The following PRPF8 variants were observed in gnomAD, a reference collection of about 807,000 sequenced individuals.
PRPF8 encodes pre-mRNA processing factor 8.
A neutral mutation model predicts 285.9 loss-of-function variants in PRPF8; 64 were observed. The ratio of observed to expected loss-of-function variants is 0.22; its 90% CI spans 0.18 to 0.28. The LOEUF (loss-of-function observed/expected upper bound fraction) is 0.28, where lower values mean the gene tolerates loss of function less well. Among genes scored for constraint, PRPF8 ranks in the 10% least tolerant of loss-of-function variants. The probability of loss-of-function intolerance (pLI) is 1.00; values close to 1 mark genes in which losing one functional copy is unlikely to be tolerated. For synonymous variants in PRPF8, 1,325 were observed against 1,118.2 expected, an observed-to-expected ratio of 1.18 and a Z score of -3.69; for missense variants, 1,426 against 3,026.7, an observed-to-expected ratio of 0.47 and a Z score of 12.41.
rs985505937 is a variant in PRPF8, at chr17:1,661,489, G to A, written c.4203-83C>T. On this transcript the variant is annotated intron_variant, in intron 26 of 42. Transcript: ENST00000304992. This position sits in a 1 kb window ranked among gnomAD's most constrained non-coding sequence, Gnocchi z 7.3. ...TCCTTCCTGGCCAAAAATAATTAGGGTCAGTAGAACCAGCCTTCTCACCTC... is the reference window on the plus strand; with the variant it reads ...TCCTTCCTGGCCAAAAATAATTAGGATCAGTAGAACCAGCCTTCTCACCTC... The A allele has an allele frequency of 1.9e-6, 3 of 1,609,852 alleles. No homozygotes were observed. The highest frequency in any genetic ancestry group is 1.3e-5 in the African/African-American group (1 of 74,830).
At position 1,651,244 on chromosome 17, in the gene PRPF8, G is replaced by A. The variant is rs200164722; in HGVS notation, c.6717C>T (p.Arg2239=). ...GGTTGTTGCCCTTGTCTGTGTTCTG[G>A]CGGCCCCATTCGTAGCCACTGGGGG... ...KLTPSGYEWG[R]QNTDKGNNPK... is the part of the protein sequence containing the mutation. Residue 2239 remains arginine, a synonymous_variant, in exon 42 of 43, where the codon CGC becomes CGT. Coordinates refer to ENST00000304992, the MANE Select transcript of PRPF8 (RefSeq NM_006445.4). The surrounding 1 kb of genome is among the most constrained non-coding windows in gnomAD (Gnocchi z 5.1). 3.8e-5 allele frequency: 62 copies of A among 1,613,946 alleles called. No homozygotes were observed. The highest frequency in any genetic ancestry group is 5.0e-5 in the Admixed American group (3 of 60,010).
At position 1,652,997 on chromosome 17, in the gene PRPF8, A is replaced by C. The variant is rs1430129541; in HGVS notation, c.6369+545T>G. On this transcript the variant is annotated intron_variant, in intron 39 of 42. Transcript: ENST00000304992. Reference sequence around the variant, plus strand: ...TGCCCAGGCTGGAGTGCAGTGATGCAATCTTGGCTCACTGCAAGCTCCACC... The same window carrying C: ...TGCCCAGGCTGGAGTGCAGTGATGCCATCTTGGCTCACTGCAAGCTCCACC... 2.5e-5 allele frequency: 5 copies of C among 200,684 alleles called. No individual in the cohort carries two copies. In the South Asian group the frequency reaches 3.4e-4, roughly 14 times the overall value. The allele number at this position is 200,684 out of a possible 1,614,324, so 12.4% of individuals were successfully genotyped here. A position where few individuals can be genotyped will look rare whatever the true frequency, so the allele number is the denominator to read the frequency against.
rs760119460 is a variant in PRPF8 at position 1,655,529 on chromosome 17, G to T, written c.5808C>A (p.Leu1936=). The change falls in exon 37 of 43, where the codon CTC becomes CTA. Residue 1936 remains leucine, a synonymous_variant. Transcript: ENST00000304992. ...CATGTAGGGCACGCAGAATCAGGAT[G>T]AGACGGGAGAAGGCCTGGGAAAAGA... ...TISSYTAFSR[L]ILILRALHVN... 1.9e-6 allele frequency: 3 copies of T among 1,613,400 alleles called. No homozygotes were observed. The Admixed American group carries it at 5.0e-5, about 27-fold the overall frequency.
rs567754383 is a variant in PRPF8, at chr17:1,651,616, C to G, written c.6510+32G>C. The G allele has an allele frequency of 2.5e-5, 40 of 1,614,122 alleles. No homozygotes were observed. In the South Asian group the frequency reaches 4.3e-4, roughly 17 times the overall value. ...ACAGACAGGAATCGCACCAGCTTTT[C>G]CACACTCCCAGGCTCCATCACTCCC... is the stretch of plus-strand genomic sequence containing the variant. On this transcript the variant is annotated intron_variant, in intron 40 of 42. Transcript: ENST00000304992. This position sits in a 1 kb window ranked among gnomAD's most constrained non-coding sequence, Gnocchi z 5.1.
At position 1,679,479 on chromosome 17, in the gene PRPF8, T is replaced by C. The variant is rs1567690749; in HGVS notation, c.1290-69A>G. On this transcript the variant is annotated intron_variant, in intron 9 of 42. Coordinates refer to ENST00000304992, the MANE Select transcript of PRPF8 (RefSeq NM_006445.4). This position sits in a 1 kb window ranked among gnomAD's most constrained non-coding sequence, Gnocchi z 4.7. ...GACACTCTGCTAAAGGCTGCAAGCC[T>C]TGGGTTGTCTACCATTTTTATGGGA... is the stretch of plus-strand genomic sequence containing the variant. 1.2e-6 allele frequency: 2 copies of C among 1,607,650 alleles called. No homozygotes were observed. The highest frequency in any genetic ancestry group is 1.7e-6 in the Non-Finnish European group (2 of 1,178,720).
In PRPF8 at chr17:1,675,787, T is replaced by C; in HGVS notation, c.2705A>G (p.Tyr902Cys). ...KEVGIEFMDL[Y>C]SHLVPVYDVE... is the part of the protein sequence containing the mutation. The stretch of plus-strand genomic sequence containing the variant: ...ATCATATACTGGAACGAGGTGGCTA[T>C]ACAGATCCATGAACTCAATGCCCAC... The change falls in exon 19 of 43, where the codon TAT (tyrosine) becomes TGT (cysteine). Residue 902 changes from tyrosine to cysteine, a missense_variant. Physicochemically the swap from Tyr to Cys is radical, Grantham distance 194 (BLOSUM62 -2). Transcript: ENST00000304992. The surrounding 1 kb of genome is among the most constrained non-coding windows in gnomAD (Gnocchi z 6.0). 6.2e-7 allele frequency: 1 copy of C among 1,614,172 alleles called. No homozygotes were observed. The highest frequency in any genetic ancestry group is 8.5e-7 in the Non-Finnish European group (1 of 1,180,042).
At position 1,679,925 on chromosome 17, in the gene PRPF8, A is replaced by G; in HGVS notation, c.1099-126T>C. 1 of 1,151,566 alleles carries G rather than the reference A, an allele frequency of 8.7e-7. No homozygotes were observed. Among genetic ancestry groups the G allele is most frequent in the Non-Finnish European group, 1.3e-6 (1 of 765,846 alleles). 71.3% of individuals were successfully genotyped at this position (1,151,566 alleles called of 1,614,324 possible). A position where few individuals can be genotyped will look rare whatever the true frequency, so the allele number is the denominator to read the frequency against. On this transcript the variant is annotated intron_variant, in intron 8 of 42. Coordinates refer to ENST00000304992, the MANE Select transcript of PRPF8 (RefSeq NM_006445.4). This position sits in a 1 kb window ranked among gnomAD's most constrained non-coding sequence, Gnocchi z 4.7. ...TATGGAAACTGGGCTGTCTGACAAA[A>G]GCAGCCCTGAAGTGCCAGCACAAAG...
At chr17:1,660,632 G>C in intron 29 of PRPF8, 54 bp from the exon 30 acceptor site, 2 of 1,614,154 alleles carry the variant, frequency 1.2e-6, no homozygotes, top group Non-Finnish European at 1.7e-6. Flanking sequence ...GGGCGCTCAC[G>C]ACATAACCAA....
Position 1,668,354 on chromosome 17 carries a change from CTTT to C in PRPF8, c.3774+4724_3774+4726del, listed in dbSNP as rs970795981. ...CAGTATCTCAATGGGGTCTAGCATT[CTTT>C]TTTTTTTTTTTTTTTTTTTTTTGAG... is the stretch of plus-strand genomic sequence containing the variant. On this transcript the variant is annotated intron_variant, in intron 24 of 42. Transcript: ENST00000304992. 1.0e-4 allele frequency among the ~76,000 whole-genome samples: 11 copies of C among 105,586 alleles called. No homozygotes were observed. The South Asian group carries it at 1.9e-3, about 19-fold the overall frequency. The allele number at this position is 105,586 out of a possible 152,430, so 69.3% of individuals were successfully genotyped here.
At chr17:1,663,344 T>C (rs149555000) in intron 24 of PRPF8, among the ~76,000 whole-genome samples, 129 of 152,166 alleles carry the variant, frequency 8.5e-4, no homozygotes, top group African/African-American at 2.4e-3. Context: ...CTGAGCTACA[T>C]TGCCACATTG....
chr17:1,676,164 G>C lies in PRPF8; in HGVS notation c.2552+43C>G. The C allele has an allele frequency of 6.8e-6, 11 of 1,612,418 alleles. No homozygotes were observed. The highest frequency in any genetic ancestry group is 9.3e-6 in the Non-Finnish European group (11 of 1,179,912). On this transcript the variant is annotated intron_variant, in intron 17 of 42. Coordinates refer to ENST00000304992, the MANE Select transcript of PRPF8 (RefSeq NM_006445.4). The surrounding 1 kb of genome is among the most constrained non-coding windows in gnomAD (Gnocchi z 6.3). ...GACTCTGAGGATGACGCCATTCCCT[G>C]CTGTCACCTTCCCAGCAGGAACCTA...
Position 1,675,922 on chromosome 17 carries a change from A to G in PRPF8, c.2679+6T>C. 1 of 1,614,002 alleles carries G rather than the reference A, an allele frequency of 6.2e-7. No individual in the cohort carries two copies. The highest frequency in any genetic ancestry group is 8.5e-7 in the Non-Finnish European group (1 of 1,179,988). On this transcript the variant is annotated splice_donor_region_variant and intron_variant, in intron 18 of 42. Coordinates refer to ENST00000304992, the MANE Select transcript of PRPF8 (RefSeq NM_006445.4). This position sits in a 1 kb window ranked among gnomAD's most constrained non-coding sequence, Gnocchi z 6.0. ...CCAAAAAGAAAACTTGGGAGGCCTC[A>G]CTCACCTCTTTGAAGGCTCTCTGTG... is the stretch of plus-strand genomic sequence containing the variant.
chr17:1,656,495 A>G lies in PRPF8; in HGVS notation c.5690T>C (p.Leu1897Pro), dbSNP rs763583937. 6.2e-7 allele frequency: 1 copy of G among 1,614,192 alleles called. No individual in the cohort carries two copies. Among genetic ancestry groups the G allele is most frequent in the Non-Finnish European group, 8.5e-7 (1 of 1,180,026 alleles). The change falls in exon 36 of 43, where the codon CTC (leucine) becomes CCC (proline). Residue 1897 changes from leucine (L) to proline (P), a missense_variant. By Grantham distance (98) the Leu-to-Pro change is moderately conservative. Around this residue, in one of 34 missense-constraint regions of PRPF8, gnomAD observed 29 missense variants for 86.4 expected, o/e 0.34. Transcript: ENST00000304992. ...SELQLPFQAC[L>P]KVEKFGDLIL... ...GAGATCCCCGAATTTTTCCACCTTG[A>G]GACACGCCTGGAAAGGGAGTTGGAG...
chr17:1,684,808 T>C lies in PRPF8; in HGVS notation c.-40A>G. 3.3e-6 allele frequency: 2 copies of C among 598,522 alleles called. No individual in the cohort carries two copies. The highest frequency in any genetic ancestry group is 6.0e-6 in the Non-Finnish European group (2 of 334,730). 37.1% of individuals were successfully genotyped at this position (598,522 alleles called of 1,614,324 possible). On this transcript the variant is annotated 5_prime_UTR_variant, in exon 1 of 43. Transcript: ENST00000304992. ...ACAGGCCCTCACACAAGAGGCCGCT[T>C]TCCCCGCAGCGCAATGGCGGCCAGA...
intron 24 of PRPF8, among the ~76,000 whole-genome samples, chr17:1,666,546 C>CAA (rs1555552060): frequency 8.9e-6 from 1 of 112,854 alleles, no homozygotes; most frequent in South Asian, 2.9e-4. Context: ...GACCCCATCT[C>CAA]AAAAAAAAAA....
At position 1,658,689 on chromosome 17, in the gene PRPF8, G is replaced by A; in HGVS notation, c.5213C>T (p.Pro1738Leu). 6.2e-7 allele frequency: 1 copy of A among 1,614,264 alleles called. No homozygotes were observed. The highest frequency in any genetic ancestry group is 8.5e-7 in the Non-Finnish European group (1 of 1,180,046). ...CCGTTCACGTAACACATACAGGGCA[G>A]GGTTTGCCTTCATGATCTTGGCCAT... is the stretch of plus-strand genomic sequence containing the variant. ...QAMAKIMKAN[P>L]ALYVLRERIR... Residue 1738 changes from proline (P) to leucine (L), a missense_variant, in exon 33 of 43, where the codon CCT becomes CTT. Physicochemically the swap from Pro to Leu is moderately conservative, Grantham distance 98. This residue lies in a region of PRPF8 where 74 missense variants were observed against 161.8 expected (regional missense o/e 0.46). Transcript: ENST00000304992. The surrounding 1 kb of genome is among the most constrained non-coding windows in gnomAD (Gnocchi z 4.1).
intron 24 of PRPF8, among the ~76,000 whole-genome samples, chr17:1,663,681 C>A (rs756535723): frequency 7.4e-6 from 1 of 135,460 alleles, no homozygotes; most frequent in Non-Finnish European, 1.5e-5. Context: ...TGCACTCCAG[C>A]CTGGGCAACC....
At chr17:1,672,933 T>C in intron 24 of PRPF8, 148 bp downstream of exon 24, 4 of 785,764 alleles carry the variant, frequency 5.1e-6, no homozygotes, top group Non-Finnish European at 9.1e-6. Context: ...CCTGACATAC[T>C]ATAAGCCACT....
At chr17:1,656,830 C>A in intron 34 of PRPF8, 69 bp from the exon 35 acceptor site, 1 of 1,326,096 alleles carries the variant, frequency 7.5e-7, no homozygotes, top group Non-Finnish European at 1.1e-6. Context: ...AACAGAATAT[C>A]CTAGTTTTGA....
Sources: gnomAD v4.1 joint callset for allele counts (sites outside exome capture counted in the v4.1 genomes callset) on GRCh38, gnomAD v4.1.1 for gene constraint, gnomAD v4.1.1 regional missense constraint, Gnocchi (gnomAD v3.1) non-coding constraint, MANE v1.5 for transcripts, NCBI Gene and HGNC (gene_info 2026-07-23, HGNC 2026-07-21) for gene names.